Variants in ADCY10 observed in about 807,000 individuals in gnomAD.
The protein encoded by ADCY10 is adenylate cyclase 10, also known as adenylate cyclase type 10.
A neutral mutation model predicts 183.3 loss-of-function variants in ADCY10; 156 were observed. The ratio of observed to expected loss-of-function variants is 0.85; its 90% CI spans 0.75 to 0.97. ADCY10 has a LOEUF of 0.97. Ranked by LOEUF, ADCY10 falls within the 50% of genes least tolerant of loss-of-function variation. ADCY10 has a pLI of 0.00. For synonymous variants in ADCY10, 645 were observed against 670.0 expected (o/e 0.96, Z 0.58); for missense variants, 1,745 against 1,934.3 (o/e 0.90, Z 1.84).
intron 23 of ADCY10, among the ~76,000 whole-genome samples, chr1:167,836,015 T>C (rs1195544116): frequency 6.6e-6 from 1 of 152,232 alleles, no homozygotes; most frequent in African/African-American, 2.4e-5. Flanking sequence ...CCTCTCTGCA[T>C]CATTTTGGGA....
At chr1:167,825,896 T>C (rs1354539678) in intron 26 of ADCY10, among the ~76,000 whole-genome samples, 1 of 152,200 alleles carries the variant, frequency 6.6e-6, no homozygotes, top group Non-Finnish European at 1.5e-5. Context: ...GCTTAGAGAA[T>C]AGTGAGGAGA....
At chr1:167,882,753 G>T (rs973760035) in intron 9 of ADCY10, among the ~76,000 whole-genome samples, 2 of 152,116 alleles carry the variant, frequency 1.3e-5, no homozygotes, top group Non-Finnish European at 2.9e-5. Flanking sequence ...GAGCTCAGAC[G>T]GGGATGGCAG....
At chr1:167,841,359 C>T (rs140340394) in intron 21 of ADCY10, among the ~76,000 whole-genome samples, 5 of 152,228 alleles carry the variant, frequency 3.3e-5, no homozygotes, top group African/African-American at 1.2e-4. Context: ...CCCAGCCACT[C>T]ACACAGCAAA....
chr1:167,839,633 G>A (rs986330552), intron 21 of ADCY10, among the ~76,000 whole-genome samples: 4 of 152,078 alleles, frequency 2.6e-5, no homozygotes, highest in South Asian at 2.1e-4. Flanking sequence ...ATTTATCAAA[G>A]TCTACAAGGC....
At chr1:167,827,919 G>A (rs1316651978) in intron 26 of ADCY10, among the ~76,000 whole-genome samples, 1 of 151,812 alleles carries the variant, frequency 6.6e-6, no homozygotes, top group East Asian at 1.9e-4. Flanking sequence ...TCCCCATGTT[G>A]GCCAGGCTAG....
intron 24 of ADCY10, among the ~76,000 whole-genome samples, 182 bp downstream of exon 24, chr1:167,833,788 G>T (rs1663972836): frequency 6.6e-6 from 1 of 150,952 alleles, no homozygotes; most frequent in African/African-American, 2.4e-5. Context: ...AGACAGGGAA[G>T]ATCTTGCTGG....
At position 167,846,144 on chromosome 1, in the gene ADCY10, T is replaced by C; in HGVS notation, c.2557A>G (p.Asn853Asp). The part of the protein sequence containing the change: ...ELLFEILPCW[N>D]MKMMIKTLAT... ...AGGGTCTTGATCATCATCTTCATAT[T>C]CCAACAGGGGAGAATCTCAAACAAC... The change falls in exon 20 of 33, where the codon AAT (asparagine) becomes GAT (aspartate). Residue 853 changes from asparagine to aspartate, a missense_variant. Asn to Asp is a conservative substitution (Grantham distance 23). Coordinates refer to ENST00000367851, the MANE Select transcript of ADCY10 (RefSeq NM_018417.6). The C allele has an allele frequency of 6.2e-7, 1 of 1,614,174 alleles. No individual in the cohort carries two copies. Among genetic ancestry groups the C allele is most frequent in the Non-Finnish European group, 8.5e-7 (1 of 1,180,026 alleles).
chr1:167,854,867 A>G (rs1406309161), intron 17 of ADCY10, among the ~76,000 whole-genome samples: 1 of 152,208 alleles, frequency 6.6e-6, no homozygotes, highest in East Asian at 1.9e-4. Context: ...CGACAGAAAG[A>G]ATGAGTGCCA....
intron 5 of ADCY10, among the ~76,000 whole-genome samples, chr1:167,900,299 C>G (rs1481953509): frequency 1.3e-5 from 2 of 152,032 alleles, no homozygotes; most frequent in African/African-American, 4.8e-5. Flanking sequence ...GGGCTGACTC[C>G]CCCCTGATTC....
At chr1:167,814,136 T>C (rs901528534) in intron 31 of ADCY10, among the ~76,000 whole-genome samples, 2 of 152,138 alleles carry the variant, frequency 1.3e-5, no homozygotes, top group African/African-American at 4.8e-5. Context: ...TTATCAGTAA[T>C]TACTTTAAAT....
At chr1:167,871,273 A>C (rs1667088546) in intron 13 of ADCY10, among the ~76,000 whole-genome samples, 1 of 152,210 alleles carries the variant, frequency 6.6e-6, no homozygotes, top group Non-Finnish European at 1.5e-5. Context: ...AAAAAGCATT[A>C]CCAGGGATAA....
At position 167,901,772 on chromosome 1, in the gene ADCY10, C is replaced by A. The variant is rs563436022; in HGVS notation, c.326G>T (p.Arg109Leu). The change falls in exon 5 of 33, where the codon CGA becomes CTA. Residue 109 changes from arginine to leucine, a missense_variant. By Grantham distance (102) the Arg-to-Leu change is moderately radical. Transcript: ENST00000367851. ...DALLALWRVE[R>L]KQLKNIITVV... ...TGTGATAATGTTTTTCAGCTGCTTTCGCTCCACCCTCCACAGGGCTAGCAG... is the reference window on the plus strand; with the variant it reads ...TGTGATAATGTTTTTCAGCTGCTTTAGCTCCACCCTCCACAGGGCTAGCAG... 6.2e-7 allele frequency: 1 copy of A among 1,614,186 alleles called. No individual in the cohort carries two copies. Among genetic ancestry groups the A allele is most frequent in the South Asian group, 1.1e-5 (1 of 91,092 alleles).
chr1:167,817,616 T>C (rs977670957), intron 31 of ADCY10, among the ~76,000 whole-genome samples: 1 of 152,202 alleles, frequency 6.6e-6, no homozygotes, highest in Non-Finnish European at 1.5e-5. Flanking sequence ...ATTTTTTAAA[T>C]TGTCGTGTGG....
chr1:167,812,722 T>G (rs976949914), intron 31 of ADCY10, among the ~76,000 whole-genome samples: 5 of 152,016 alleles, frequency 3.3e-5, no homozygotes, highest in African/African-American at 1.2e-4. Flanking sequence ...TTTAAACAAC[T>G]CTAAAGATAA....
At chr1:167,883,130 C>G (rs1439433276) in intron 9 of ADCY10, among the ~76,000 whole-genome samples, 1 of 152,242 alleles carries the variant, frequency 6.6e-6, no homozygotes, top group Non-Finnish European at 1.5e-5. Context: ...CTCCGCCTCT[C>G]AGGTTCAAGC....
intron 17 of ADCY10, among the ~76,000 whole-genome samples, 186 bp downstream of exon 17, chr1:167,855,979 G>A (rs1301564492): frequency 6.6e-6 from 1 of 152,064 alleles, no homozygotes; most frequent in Non-Finnish European, 1.5e-5. Context: ...CTTCAGCCTG[G>A]GTGACAGAGT....
rs915316774 is a variant in ADCY10, at chr1:167,902,751, C to T, written c.254-697G>A. Among the ~76,000 whole-genome samples, 9 of 152,130 alleles carry T rather than the reference C, an allele frequency of 5.9e-5. No homozygotes were observed. In the East Asian group the frequency reaches 9.6e-4, roughly 16 times the overall value. ...AGGAGTTCACCATAACAGAGTAAAC[C>T]GTTGTCTTCATGAATAGTTTGAATT... On this transcript the variant is annotated intron_variant, in intron 3 of 32. Coordinates refer to ENST00000367851, the MANE Select transcript of ADCY10 (RefSeq NM_018417.6).
rs754556846 is a variant in ADCY10, at chr1:167,856,366, A to G, written c.1970T>C (p.Met657Thr). The part of the protein sequence containing the change: ...QFVDSTSWRF[M>T]EKLIRTLPIF... ...AGGAAGAGTCCGGATAAGCTTCTCC[A>G]TAAATCTCCAGGAGGTCGAATCCAC... The change falls in exon 17 of 33, where the codon ATG (methionine) becomes ACG (threonine). Residue 657 changes from methionine (M) to threonine (T), a missense_variant. Physicochemically the swap from Met to Thr is moderately conservative, Grantham distance 81 (BLOSUM62 -1). Coordinates refer to ENST00000367851, the MANE Select transcript of ADCY10 (RefSeq NM_018417.6). 5.6e-6 allele frequency: 9 copies of G among 1,614,076 alleles called. No individual in the cohort carries two copies. The East Asian group carries it at 2.0e-4, about 36-fold the overall frequency.
intron 26 of ADCY10, among the ~76,000 whole-genome samples, chr1:167,827,409 G>T (rs967208722): frequency 6.8e-6 from 1 of 147,268 alleles, no homozygotes; most frequent in African/African-American, 2.5e-5. Context: ...CTTGTGATCC[G>T]CCCACCTCGG....
Sources: gnomAD v4.1 joint callset for allele counts (sites outside exome capture counted in the v4.1 genomes callset) on GRCh38, gnomAD v4.1.1 for gene constraint, MANE v1.5 for transcripts, NCBI Gene and HGNC (gene_info 2026-07-23, HGNC 2026-07-21) for gene names.